The following DIP2A variants were observed in gnomAD, a reference collection of about 807,000 sequenced individuals.
The protein encoded by DIP2A is DIP2 acetate--CoA ligase A, also known as disco-interacting protein 2 homolog A.
DIP2A carries 85 observed loss-of-function variants against 177.4 expected under a neutral mutation model. That is an observed-to-expected ratio of 0.48 (90% CI 0.40 to 0.57). The LOEUF (loss-of-function observed/expected upper bound fraction) is 0.57. DIP2A is among the 20% of genes least tolerant of loss of function. DIP2A has a pLI of 0.00. For missense variants in DIP2A, 1,791 were observed against 2,100.2 expected, an observed-to-expected ratio of 0.85 and a Z score of 2.88; for synonymous variants, 886 against 881.8, an observed-to-expected ratio of 1.00 and a Z score of -0.08.
At position 46,532,216 on chromosome 21, in the gene DIP2A, A is replaced by T; in HGVS notation, c.1284A>T (p.Ile428=). 1.2e-6 allele frequency: 2 copies of T among 1,613,928 alleles called. No homozygotes were observed. The highest frequency in any genetic ancestry group is 2.7e-5 in the African/African-American group (2 of 75,038). ...CLLAELVPVP[I]EVPLTRKDAG... is the part of the protein sequence containing the mutation. ...TGGCAGAGCTGGTTCCTGTCCCCAT[A>T]GAAGTGCCATTAACAAGAAAGGTAG... The change falls in exon 10 of 38, where the codon ATA becomes ATT. Residue 428 remains isoleucine, a synonymous_variant. Coordinates refer to ENST00000417564, the MANE Select transcript of DIP2A (RefSeq NM_015151.4).
At chr21:46,464,844 T>TTC (rs58546395) in intron 1 of DIP2A, among the ~76,000 whole-genome samples, 13 of 111,218 alleles carry the variant, frequency 1.2e-4, no homozygotes, top group African/African-American at 5.4e-4. Context: ...TTTTTTTTTT[T>TTC]CAAGAAAACA....
At chr21:46,544,590 G>A (rs1334814796) in intron 18 of DIP2A, among the ~76,000 whole-genome samples, 1 of 152,208 alleles carries the variant, frequency 6.6e-6, no homozygotes, top group Non-Finnish European at 1.5e-5. Flanking sequence ...AAGTTAGGCA[G>A]AACTTAAAAT....
At chr21:46,560,633 A>G (rs1039053118) in intron 32 of DIP2A, 89 bp from the exon 33 acceptor site, 6 of 1,519,520 alleles carry the variant, frequency 3.9e-6, no homozygotes, top group Non-Finnish European at 3.6e-6. Context: ...CCCGGGGGCC[A>G]GGGAGGAGCT....
At position 46,539,825 on chromosome 21, in the gene DIP2A, C is replaced by G. The variant is rs746760182; in HGVS notation, c.1922-52C>G. On this transcript the variant is annotated intron_variant, in intron 16 of 37. Coordinates refer to ENST00000417564, the MANE Select transcript of DIP2A (RefSeq NM_015151.4). ...CTTGAGCATGTCCAGCCACCCCTTC[C>G]CTGCTGGCCCCCCAGTTAGTGCTGG... 1.0e-5 allele frequency: 15 copies of G among 1,448,356 alleles called. No individual in the cohort carries two copies. In the East Asian group the frequency reaches 3.2e-4, roughly 31 times the overall value. The allele number at this position is 1,448,356 out of a possible 1,614,324, so 89.7% of individuals were successfully genotyped here. A position where few individuals can be genotyped will look rare whatever the true frequency, so the allele number is the denominator to read the frequency against.
chr21:46,527,813 T>C (rs562463754), intron 8 of DIP2A, among the ~76,000 whole-genome samples: 6 of 152,096 alleles, frequency 3.9e-5, no homozygotes, highest in Non-Finnish European at 5.9e-5. Flanking sequence ...GCTTCTTTGA[T>C]AGGCTGCTTG....
At chr21:46,560,539 T>C (rs1436474985) in intron 32 of DIP2A, among the ~76,000 whole-genome samples, 183 bp from the exon 33 acceptor site, 2 of 152,232 alleles carry the variant, frequency 1.3e-5, no homozygotes, top group African/African-American at 4.8e-5. Context: ...GATGTTTGGA[T>C]GGAAAGCATC....
Position 46,550,620 on chromosome 21 carries a change from C to G in DIP2A, c.2715C>G (p.Leu905=). ...VPANTLPKAP[L]GGIHISETKQ... Reference sequence around the variant, plus strand: ...CCAACACCTTGCCCAAGGCTCCTCTCGGAGGGATTCACATTTCTGAAACCA... The same window carrying G: ...CCAACACCTTGCCCAAGGCTCCTCTGGGAGGGATTCACATTTCTGAAACCA... Residue 905 remains leucine, a synonymous_variant, in exon 23 of 38, where the codon CTC becomes CTG. Coordinates refer to ENST00000417564, the MANE Select transcript of DIP2A (RefSeq NM_015151.4). The G allele has an allele frequency of 6.2e-7, 1 of 1,613,876 alleles. No individual in the cohort carries two copies. Among genetic ancestry groups the G allele is most frequent in the Non-Finnish European group, 8.5e-7 (1 of 1,179,852 alleles).
intron 18 of DIP2A, among the ~76,000 whole-genome samples, chr21:46,542,424 GGTTATCTAAGTAA>G (rs1569075904): frequency 6.6e-6 from 1 of 152,192 alleles, no homozygotes. Context: ...TTGATAATTA[GGTTATCTAAGTAA>G]GTTCTAGCAA....
rs951668985 is a variant in DIP2A at position 46,476,781 on chromosome 21, C to T, written c.92-7976C>T. 5.3e-5 allele frequency among the ~76,000 whole-genome samples: 8 copies of T among 151,862 alleles called. 1 individual carries two copies. The highest frequency in any genetic ancestry group is 1.7e-4 in the African/African-American group (7 of 41,296). On this transcript the variant is annotated intron_variant, in intron 1 of 37. Transcript: ENST00000417564. ...AAGTGATTCTCCAGTCTCAGCCTCC[C>T]CAGTAGCGAGATTACAGGTGTGTGC...
In DIP2A at chr21:46,556,622, G is replaced by A; in HGVS notation, c.3499-317G>A. 2.7e-6 allele frequency: 1 copy of A among 372,944 alleles called. No homozygotes were observed. The highest frequency in any genetic ancestry group is 2.2e-5 in the South Asian group (1 of 45,312). The allele number at this position is 372,944 out of a possible 1,614,324, so 23.1% of individuals were successfully genotyped here. A position where few individuals can be genotyped will look rare whatever the true frequency, so the allele number is the denominator to read the frequency against. The stretch of plus-strand genomic sequence containing the variant: ...TGCTTGAACCCGGGAGGCAGAGGTT[G>A]CAGTGAGCCGAGATTGTGCCATTGC... On this transcript the variant is annotated intron_variant, in intron 29 of 37. Coordinates refer to ENST00000417564, the MANE Select transcript of DIP2A (RefSeq NM_015151.4). This position sits in a 1 kb window ranked among gnomAD's most constrained non-coding sequence, Gnocchi z 4.5.
intron 1 of DIP2A, among the ~76,000 whole-genome samples, chr21:46,480,657 G>A (rs766016937): frequency 9.2e-5 from 14 of 152,166 alleles, no homozygotes; most frequent in Non-Finnish European, 1.9e-4. Flanking sequence ...CCGTTCTTTG[G>A]CAGCAAGGGA....
intron 8 of DIP2A, 71 bp downstream of exon 8, chr21:46,511,685 A>G: frequency 7.3e-7 from 1 of 1,367,008 alleles, no homozygotes; most frequent in Non-Finnish European, 9.7e-7. Context: ...CACAGCATAG[A>G]CATACAGCTT....
At chr21:46,488,199 A>G (rs2056802773) in intron 2 of DIP2A, among the ~76,000 whole-genome samples, 1 of 152,230 alleles carries the variant, frequency 6.6e-6, no homozygotes, top group South Asian at 2.1e-4. Flanking sequence ...ATCCTTCTGC[A>G]GGCAAGAACC....
chr21:46,511,220 G>A (rs892622314), intron 7 of DIP2A, among the ~76,000 whole-genome samples, 197 bp from the exon 8 acceptor site: 3 of 152,178 alleles, frequency 2.0e-5, no homozygotes, highest in East Asian at 1.9e-4. Context: ...TTTCACAGCC[G>A]TCATCATCCA....
chr21:46,582,803 A>G, the DIP2A span, among the ~76,000 whole-genome samples: 4 of 152,314 alleles, frequency 2.6e-5, no homozygotes, highest in South Asian at 8.3e-4. Context: ...GAATATGCCA[A>G]ATGGTAACTT....
the DIP2A span, among the ~76,000 whole-genome samples, chr21:46,576,297 C>G: frequency 6.6e-6 from 1 of 152,060 alleles, no homozygotes; most frequent in African/African-American, 2.4e-5. Context: ...CCAACAGGCC[C>G]CAGTGTGTGT....
chr21:46,498,392 G>T lies in DIP2A; in HGVS notation c.404-190G>T, dbSNP rs536632438. 6.6e-6 allele frequency among the ~76,000 whole-genome samples: 1 copy of T among 152,248 alleles called. No homozygotes were observed. The highest frequency in any genetic ancestry group is 2.1e-4 in the South Asian group (1 of 4,820). On this transcript the variant is annotated intron_variant, in intron 4 of 37. Coordinates refer to ENST00000417564, the MANE Select transcript of DIP2A (RefSeq NM_015151.4). The surrounding 1 kb of genome is among the most constrained non-coding windows in gnomAD (Gnocchi z 4.3). ...GGCTCATGGAATCATTTTCCCCACAGTAGGGCTTCTTGCATGCCCTTCTAG... is the reference window on the plus strand; with the variant it reads ...GGCTCATGGAATCATTTTCCCCACATTAGGGCTTCTTGCATGCCCTTCTAG...
At chr21:46,480,423 A>G (rs1326538992) in intron 1 of DIP2A, among the ~76,000 whole-genome samples, 1 of 152,190 alleles carries the variant, frequency 6.6e-6, no homozygotes, top group Non-Finnish European at 1.5e-5. Context: ...GATTATTACA[A>G]TTCAAAGTGA....
At chr21:46,473,425 A>T (rs2055569526) in intron 1 of DIP2A, among the ~76,000 whole-genome samples, 1 of 135,856 alleles carries the variant, frequency 7.4e-6, no homozygotes, top group African/African-American at 2.7e-5. Flanking sequence ...ACTGCACTCC[A>T]GCCTGGGTGC....
Sources: allele counts gnomAD v4.1 joint callset (sites outside exome capture counted in the v4.1 genomes callset), GRCh38; gene constraint gnomAD v4.1.1; non-coding constraint Gnocchi (gnomAD v3.1); transcripts MANE v1.5; gene names NCBI Gene and HGNC (gene_info 2026-07-23, HGNC 2026-07-21).